The following TBC1D2B variants were observed in gnomAD, a reference collection of about 807,000 sequenced individuals.
TBC1D2B encodes TBC1 domain family, member 2B.
TBC1D2B carries 64 observed loss-of-function variants against 100.8 expected under a neutral mutation model. The ratio of observed to expected loss-of-function variants is 0.64; its 90% CI spans 0.52 to 0.78. The LOEUF (loss-of-function observed/expected upper bound fraction) is 0.78. TBC1D2B is among the 30% of genes least tolerant of loss of function. The pLI is 0.00. For missense variants in TBC1D2B, 1,052 were observed against 1,218.4 expected, an observed-to-expected ratio of 0.86 and a Z score of 2.03; for synonymous variants, 480 against 479.7, an observed-to-expected ratio of 1.00 and a Z score of -0.01.
At chr15:78,067,262 G>A (rs529585068) in intron 1 of TBC1D2B, among the ~76,000 whole-genome samples, 1 of 152,268 alleles carries the variant, frequency 6.6e-6, no homozygotes, top group Admixed American at 6.5e-5. Flanking sequence ...TTGGGATAAT[G>A]ACCCTTGAGC....
At chr15:78,044,045 C>T (rs2073144752) in intron 3 of TBC1D2B, among the ~76,000 whole-genome samples, 1 of 146,856 alleles carries the variant, frequency 6.8e-6, no homozygotes, top group South Asian at 2.1e-4. Flanking sequence ...AAAAAACCCA[C>T]CAAAAAACAA....
chr15:78,022,863 T>A (rs1320925237), intron 6 of TBC1D2B, among the ~76,000 whole-genome samples: 4 of 152,070 alleles, frequency 2.6e-5, no homozygotes, highest in East Asian at 1.9e-4. Context: ...TTTTTTTTTT[T>A]AAATAGTAGA....
chr15:78,016,669 GTCT>G lies in TBC1D2B; in HGVS notation c.1649_1651del (p.Lys550del), dbSNP rs773368254. 5 of 1,607,518 alleles carry G rather than the reference GTCT, an allele frequency of 3.1e-6. No individual in the cohort carries two copies. The highest frequency in any genetic ancestry group is 2.5e-6 in the Non-Finnish European group (3 of 1,177,706). On this transcript the variant is annotated inframe_deletion, in exon 8 of 13. Coordinates refer to ENST00000300584, the MANE Select transcript of TBC1D2B (RefSeq NM_144572.2). ...CCCCTGGTCTTCTGAGCACACTGGTGTCTTCATTTCTTGGAGCAATATCAGGTA... is the reference window on the plus strand; with the variant it reads ...CCCCTGGTCTTCTGAGCACACTGGTGTCATTTCTTGGAGCAATATCAGGTA...
chr15:78,033,896 A>G (rs1242054134), intron 3 of TBC1D2B, among the ~76,000 whole-genome samples: 3 of 152,204 alleles, frequency 2.0e-5, no homozygotes, highest in African/African-American at 7.2e-5. Flanking sequence ...ATACAGAGAA[A>G]TTATATAACA....
At chr15:78,066,538 G>T (rs897602114) in intron 1 of TBC1D2B, among the ~76,000 whole-genome samples, 3 of 152,308 alleles carry the variant, frequency 2.0e-5, no homozygotes, top group South Asian at 4.1e-4. Context: ...ATCTCCAGGG[G>T]ACGAACCCCA....
rs2072143426 is a variant in TBC1D2B at position 78,008,805 on chromosome 15, A to G, written c.2388+192T>C. On this transcript the variant is annotated intron_variant, in intron 10 of 12. Coordinates refer to ENST00000300584, the MANE Select transcript of TBC1D2B (RefSeq NM_144572.2). ...GTTCGCAGGGGGCTGAATGAGCCCA[A>G]CTCGGCCTCAGTCACAAACAGCAGG... is the stretch of plus-strand genomic sequence containing the variant. Among the ~76,000 whole-genome samples the G allele has an allele frequency of 2.0e-5, 3 of 152,150 alleles. No homozygotes were observed. In the South Asian group the frequency reaches 6.2e-4, roughly 31 times the overall value.
intron 9 of TBC1D2B, among the ~76,000 whole-genome samples, chr15:78,012,553 G>A (rs985352398): frequency 7.2e-5 from 11 of 152,168 alleles, no homozygotes; most frequent in African/African-American, 2.7e-4. Context: ...ACCCGAGTGC[G>A]ATGAGAACAA....
At chr15:78,053,273 C>G (rs2073353227) in intron 2 of TBC1D2B, among the ~76,000 whole-genome samples, 1 of 152,194 alleles carries the variant, frequency 6.6e-6, no homozygotes, top group African/African-American at 2.4e-5. Flanking sequence ...TTACTGTTGT[C>G]TACTCCTTTT....
chr15:78,056,848 C>T (rs866159581), intron 1 of TBC1D2B, among the ~76,000 whole-genome samples: 9 of 152,030 alleles, frequency 5.9e-5, no homozygotes, highest in Non-Finnish European at 8.8e-5. Flanking sequence ...GGGGAATGTG[C>T]GTGTGTGGTC....
At chr15:78,003,982 G>A (rs192242937) in intron 10 of TBC1D2B, among the ~76,000 whole-genome samples, 16 of 152,254 alleles carry the variant, frequency 1.1e-4, no homozygotes, top group Non-Finnish European at 1.5e-4. Flanking sequence ...CGAGGACTCC[G>A]GCGTCACATG....
chr15:78,045,919 A>G (rs1258462753), intron 2 of TBC1D2B, among the ~76,000 whole-genome samples: 2 of 152,078 alleles, frequency 1.3e-5, no homozygotes, highest in African/African-American at 4.8e-5. Context: ...TTTGTTTTTG[A>G]TAAAAACATT....
chr15:78,013,438 A>C, intron 8 of TBC1D2B, 121 bp from the exon 9 acceptor site: 1 of 941,928 alleles, frequency 1.1e-6, no homozygotes, highest in Non-Finnish European at 1.5e-6. Flanking sequence ...AACTATGAGA[A>C]GCATTTCAAA....
At chr15:78,056,686 CTTTTTTTTTTTTTTTTT>C (rs368714497) in intron 1 of TBC1D2B, among the ~76,000 whole-genome samples, 32 of 112,914 alleles carry the variant, frequency 2.8e-4, no homozygotes, top group Non-Finnish European at 2.9e-4. Flanking sequence ...CAGTCCTCCT[CTTTTTTTTTTTTTTTTT>C]TTTTTTTTTT....
chr15:78,051,824 C>CG (rs1399497520), intron 2 of TBC1D2B, among the ~76,000 whole-genome samples: 1 of 152,114 alleles, frequency 6.6e-6, no homozygotes, highest in Non-Finnish European at 1.5e-5. Flanking sequence ...TTATCTCTGA[C>CG]GATAAAACAA....
At chr15:78,075,936 T>G (rs2073821787) in intron 1 of TBC1D2B, among the ~76,000 whole-genome samples, 1 of 152,184 alleles carries the variant, frequency 6.6e-6, no homozygotes, top group African/African-American at 2.4e-5. Flanking sequence ...CTGCTCTCCG[T>G]GTGGCCAGCT....
At chr15:78,054,502 A>G (rs1369887603) in intron 1 of TBC1D2B, among the ~76,000 whole-genome samples, 1 of 152,246 alleles carries the variant, frequency 6.6e-6, no homozygotes, top group Non-Finnish European at 1.5e-5. Context: ...TTTTACTCTG[A>G]GCAACTACAA....
chr15:78,009,921 G>C (rs1398209008), intron 9 of TBC1D2B, among the ~76,000 whole-genome samples: 1 of 148,648 alleles, frequency 6.7e-6, no homozygotes, highest in Admixed American at 6.8e-5. Flanking sequence ...CTTGCAGTGA[G>C]CCGAGATAGC....
Position 78,024,543 on chromosome 15 carries a change from G to C in TBC1D2B, c.1087-4C>G, listed in dbSNP as rs755390863. 6 of 1,602,482 alleles carry C rather than the reference G, an allele frequency of 3.7e-6. No individual in the cohort carries two copies. The East Asian group carries it at 8.9e-5, about 24-fold the overall frequency. The stretch of plus-strand genomic sequence containing the variant: ...GCTGGAGCAGTCGAACAAGCTCCTG[G>C]GAGCCAAAAGGAGAATGGAGTGAAG... On this transcript the variant is annotated splice_region_variant and splice_polypyrimidine_tract_variant and intron_variant, in intron 5 of 12. Coordinates refer to ENST00000300584, the MANE Select transcript of TBC1D2B (RefSeq NM_144572.2).
rs577811425 is a variant in TBC1D2B at position 78,074,881 on chromosome 15, T to C, written c.360+2412A>G. On this transcript the variant is annotated intron_variant, in intron 1 of 12. Coordinates refer to ENST00000300584, the MANE Select transcript of TBC1D2B (RefSeq NM_144572.2). ...TGTTTACTACTGCATAATATTCCAC[T>C]ATATGAATACACTACATATTTGGCC... Among the ~76,000 whole-genome samples the C allele has an allele frequency of 3.3e-5, 5 of 152,352 alleles. No homozygotes were observed. The East Asian group carries it at 7.7e-4, about 23-fold the overall frequency.
Sources: allele counts gnomAD v4.1 joint callset (sites outside exome capture counted in the v4.1 genomes callset), GRCh38; gene constraint gnomAD v4.1.1; transcripts MANE v1.5; gene names NCBI Gene and HGNC (gene_info 2026-07-23, HGNC 2026-07-21).